CCDC82: variants seen among roughly 807,000 people sequenced by gnomAD.
The protein encoded by CCDC82 is coiled-coil domain containing 82, also known as coiled-coil domain-containing protein 82.
Under a neutral mutation model 60.6 loss-of-function variants are expected in CCDC82, and 47 were observed. The ratio of observed to expected loss-of-function variants is 0.77; its 90% CI spans 0.61 to 0.99. CCDC82 has a LOEUF of 0.99. Ranked by LOEUF, CCDC82 falls within the 50% of genes least tolerant of loss-of-function variation. The probability of loss-of-function intolerance (pLI) is 0.00; values close to 1 mark genes in which losing one functional copy is unlikely to be tolerated. For synonymous variants in CCDC82, 212 were observed against 207.4 expected (o/e 1.02, Z -0.19); for missense variants, 588 against 633.0 (o/e 0.93, Z 0.76).
intron 7 of CCDC82, among the ~76,000 whole-genome samples, chr11:96,366,985 G>T (rs1864983920): frequency 6.6e-6 from 1 of 152,166 alleles, no homozygotes; most frequent in South Asian, 2.1e-4. Flanking sequence ...ACAGAATTAT[G>T]TCTAAAATGT....
At chr11:96,358,311 A>G (rs1864451325) in intron 9 of CCDC82, 2 of 1,181,998 alleles carry the variant, frequency 1.7e-6, no homozygotes, top group Admixed American at 4.5e-5. Context: ...TATACCATAA[A>G]CAATTCTAAA....
intron 7 of CCDC82, among the ~76,000 whole-genome samples, chr11:96,369,026 T>C (rs1180784162): frequency 6.6e-6 from 1 of 152,238 alleles, no homozygotes; most frequent in Non-Finnish European, 1.5e-5. Context: ...TTTTACGTTA[T>C]GGAGATGGCT....
Position 96,373,496 on chromosome 11 carries a change from A to G in CCDC82, c.992-29T>C. ...AAATTAATTTCAAATAAATATTAGA[A>G]CAGAGCAGACAAAATAATTTCTTGA... On this transcript the variant is annotated intron_variant, in intron 5 of 9. Transcript: ENST00000646818. 3 of 1,345,600 alleles carry G rather than the reference A, an allele frequency of 2.2e-6. No homozygotes were observed. In the African/African-American group the frequency reaches 4.4e-5, roughly 20 times the overall value. 83.4% of individuals were successfully genotyped at this position (1,345,600 alleles called of 1,614,324 possible). A position where few individuals can be genotyped will look rare whatever the true frequency, so the allele number is the denominator to read the frequency against.
intron 5 of CCDC82, among the ~76,000 whole-genome samples, chr11:96,374,568 G>A (rs1205060737): frequency 1.3e-5 from 2 of 152,112 alleles, no homozygotes; most frequent in Non-Finnish European, 2.9e-5. Context: ...TATGATCAAA[G>A]GCAATAATCA....
At chr11:96,357,466 A>G in intron 9 of CCDC82, 3 of 985,158 alleles carry the variant, frequency 3.0e-6, no homozygotes, top group Non-Finnish European at 3.6e-6. Flanking sequence ...TTCCTAAGAA[A>G]AGAATGCCAA....
intron 7 of CCDC82, among the ~76,000 whole-genome samples, chr11:96,367,026 T>C (rs188541490): frequency 2.9e-3 from 440 of 152,356 alleles, no homozygotes; most frequent in Middle Eastern, 0.01. Flanking sequence ...AATTAAAAAG[T>C]ACTTTAGGTC....
At chr11:96,382,065 C>G (rs570680105) in intron 5 of CCDC82, 1 of 151,928 alleles carries the variant, frequency 6.6e-6, no homozygotes, top group African/African-American at 2.4e-5. Context: ...CTTTGTAGTA[C>G]TCTATAGGAT....
At chr11:96,366,239 T>C (rs1864939593) in intron 7 of CCDC82, among the ~76,000 whole-genome samples, 2 of 152,194 alleles carry the variant, frequency 1.3e-5, no homozygotes, top group South Asian at 4.1e-4. Context: ...TAAGTGAAAA[T>C]AAACTTTGTT....
chr11:96,380,256 C>T (rs915710716), intron 5 of CCDC82, among the ~76,000 whole-genome samples: 2 of 151,500 alleles, frequency 1.3e-5, no homozygotes, highest in African/African-American at 4.8e-5. Flanking sequence ...TGGAACATGC[C>T]AACTCAAAGG....
chr11:96,355,610 G>A (rs1864304114), intron 9 of CCDC82: 1 of 152,138 alleles, frequency 6.6e-6, no homozygotes, highest in Non-Finnish European at 1.5e-5. Flanking sequence ...CTGCTAGTAA[G>A]TGGCAAAGCA....
At chr11:96,354,205 G>A (rs1215685787) in intron 9 of CCDC82, 2 of 152,344 alleles carry the variant, frequency 1.3e-5, no homozygotes, top group Non-Finnish European at 2.9e-5. Flanking sequence ...GATAGGTCAT[G>A]GTTAGTTGAG....
chr11:96,369,505 G>A (rs1401412719), intron 7 of CCDC82, among the ~76,000 whole-genome samples: 1 of 152,140 alleles, frequency 6.6e-6, no homozygotes, highest in Non-Finnish European at 1.5e-5. Flanking sequence ...AAGGAATAAG[G>A]ATGCCTGAGG....
chr11:96,354,137 C>T (rs1385396853), intron 9 of CCDC82: 1 of 154,502 alleles, frequency 6.5e-6, no homozygotes, highest in Non-Finnish European at 1.4e-5. Context: ...AGTAATACAC[C>T]AATAACAATC....
chr11:96,374,659 C>T (rs1865473078), intron 5 of CCDC82, among the ~76,000 whole-genome samples: 2 of 152,082 alleles, frequency 1.3e-5, no homozygotes, highest in Admixed American at 6.6e-5. Context: ...TTTTGTTACA[C>T]AGGTAAACTC....
At chr11:96,362,393 A>G (rs1864710535) in intron 8 of CCDC82, among the ~76,000 whole-genome samples, 1 of 152,194 alleles carries the variant, frequency 6.6e-6, no homozygotes, top group East Asian at 1.9e-4. Flanking sequence ...ATAGTACAAT[A>G]CCAATCCAAA....
chr11:96,371,418 TA>T (rs1322298998), intron 6 of CCDC82, among the ~76,000 whole-genome samples: 2 of 151,972 alleles, frequency 1.3e-5, no homozygotes, highest in African/African-American at 2.4e-5. Flanking sequence ...CCATCTCTAC[TA>T]AAAATACAAA....
chr11:96,358,581 C>T (rs1412425578), intron 9 of CCDC82: 9 of 1,234,802 alleles, frequency 7.3e-6, no homozygotes, highest in Non-Finnish European at 8.1e-6. Flanking sequence ...CTCAGACTGG[C>T]ACCAGGTGCT....
intron 8 of CCDC82, among the ~76,000 whole-genome samples, chr11:96,359,815 C>G (rs539251885): frequency 6.6e-6 from 1 of 150,512 alleles, no homozygotes; most frequent in South Asian, 2.1e-4. Flanking sequence ...TTTCTTTTCC[C>G]CCCCCAAAAA....
chr11:96,367,584 T>G (rs947337697), intron 7 of CCDC82, among the ~76,000 whole-genome samples: 1 of 152,210 alleles, frequency 6.6e-6, no homozygotes, highest in African/African-American at 2.4e-5. Context: ...CAACCATATC[T>G]GTAGTTACTT....
Sources: allele counts gnomAD v4.1 joint callset (sites outside exome capture counted in the v4.1 genomes callset), GRCh38; gene constraint gnomAD v4.1.1; transcripts MANE v1.5; gene names NCBI Gene and HGNC (gene_info 2026-07-23, HGNC 2026-07-21).